Variants in NEGR1 observed in about 807,000 individuals in gnomAD.
The protein encoded by NEGR1 is IgLON family member 4.
NEGR1 carries 10 observed loss-of-function variants against 40.9 expected under a neutral mutation model. The ratio of observed to expected loss-of-function variants is 0.24; its 90% CI spans 0.15 to 0.42. The LOEUF is 0.42. Among genes scored for constraint, NEGR1 ranks in the 10% least tolerant of loss-of-function variants. The pLI, the probability that NEGR1 is intolerant of heterozygous loss-of-function variation, is 1.00. For synonymous variants in NEGR1, 185 were observed against 166.8 expected (o/e 1.11, Z -0.84); for missense variants, 352 against 438.9 (o/e 0.80, Z 1.77).
intron 3 of NEGR1, among the ~76,000 whole-genome samples, chr1:71,734,954 A>T (rs1443708000): frequency 6.6e-6 from 1 of 151,844 alleles, no homozygotes; most frequent in African/African-American, 2.4e-5. Flanking sequence ...CATTTCCCCA[A>T]GGCTCTACTC....
At chr1:72,065,920 T>C (rs1378693431) in intron 1 of NEGR1, among the ~76,000 whole-genome samples, 1 of 151,962 alleles carries the variant, frequency 6.6e-6, no homozygotes, top group East Asian at 1.9e-4. Context: ...CAGGAAGAGA[T>C]ATAGCCAAAT....
chr1:72,267,722 G>A (rs1440338649), intron 1 of NEGR1, among the ~76,000 whole-genome samples: 1 of 151,178 alleles, frequency 6.6e-6, no homozygotes, highest in African/African-American at 2.4e-5. Flanking sequence ...CGTTTGCTTT[G>A]TTGGTAAAAT....
intron 1 of NEGR1, among the ~76,000 whole-genome samples, chr1:71,971,768 A>G (rs1240132578): frequency 6.6e-6 from 1 of 152,220 alleles, no homozygotes; most frequent in African/African-American, 2.4e-5. Flanking sequence ...GTTAATCAAA[A>G]TATGGTCACG....
At chr1:72,186,538 A>G (rs1274501049) in intron 1 of NEGR1, among the ~76,000 whole-genome samples, 1 of 151,608 alleles carries the variant, frequency 6.6e-6, no homozygotes, top group Non-Finnish European at 1.5e-5. Flanking sequence ...CAGTTTAACT[A>G]CTTACTAGAT....
At chr1:71,775,799 C>T (rs1412678006) in intron 3 of NEGR1, among the ~76,000 whole-genome samples, 1 of 151,888 alleles carries the variant, frequency 6.6e-6, no homozygotes, top group Non-Finnish European at 1.5e-5. Flanking sequence ...CGAGGCCAAC[C>T]TGGCCAACAT....
chr1:71,787,863 A>G (rs746409352), intron 2 of NEGR1, among the ~76,000 whole-genome samples: 1 of 152,170 alleles, frequency 6.6e-6, no homozygotes. Context: ...TTTGGCTTTG[A>G]AAGACACAAG....
In NEGR1 at chr1:71,545,479, G is replaced by C. The variant is rs991757699; in HGVS notation, c.940+47338C>G. On this transcript the variant is annotated intron_variant, in intron 6 of 6. Coordinates refer to ENST00000357731, the MANE Select transcript of NEGR1 (RefSeq NM_173808.3). ...GTGTCAATATCCTTTTAAAAATCCA[G>C]TCTTGTAGATTGTCCACCATCTTCT... Among the ~76,000 whole-genome samples the C allele has an allele frequency of 2.6e-5, 4 of 151,684 alleles. 1 individual carries two copies. The highest frequency in any genetic ancestry group is 7.3e-5 in the African/African-American group (3 of 41,372).
At chr1:72,054,573 T>C (rs947339363) in intron 1 of NEGR1, among the ~76,000 whole-genome samples, 2 of 151,336 alleles carry the variant, frequency 1.3e-5, no homozygotes, top group African/African-American at 4.8e-5. Context: ...GCAATAGATA[T>C]GTATTTAATT....
chr1:71,874,102 T>C (rs1435615358), intron 2 of NEGR1, among the ~76,000 whole-genome samples: 5 of 152,208 alleles, frequency 3.3e-5, no homozygotes, highest in African/African-American at 1.2e-4. Flanking sequence ...GTTTGGTGCA[T>C]GCTGAACTAT....
At chr1:72,027,706 T>A (rs1017055556) in intron 1 of NEGR1, among the ~76,000 whole-genome samples, 2 of 152,338 alleles carry the variant, frequency 1.3e-5, no homozygotes, top group Admixed American at 1.3e-4. Flanking sequence ...GCCACAAATA[T>A]GCTGAGAACT....
chr1:71,852,516 T>C (rs1433551644), intron 2 of NEGR1, among the ~76,000 whole-genome samples: 10 of 152,160 alleles, frequency 6.6e-5, no homozygotes, highest in Non-Finnish European at 1.5e-5. Context: ...CTAGCACTCC[T>C]GATTGTCTTA....
chr1:71,733,413 G>A (rs1654950012), intron 3 of NEGR1, among the ~76,000 whole-genome samples: 1 of 152,124 alleles, frequency 6.6e-6, no homozygotes, highest in Non-Finnish European at 1.5e-5. Context: ...AAATGAGAAA[G>A]AACACTCTTA....
chr1:71,492,724 C>T (rs1646937859), intron 6 of NEGR1, among the ~76,000 whole-genome samples: 1 of 151,998 alleles, frequency 6.6e-6, no homozygotes, highest in Admixed American at 6.6e-5. Context: ...ACACATAAAA[C>T]TTTGACTTTG....
chr1:71,938,833 TA>T lies in NEGR1; in HGVS notation c.177-3523del, dbSNP rs1207072883. ...AAATGTAGTAATTAAATTGTCATTA[TA>T]ATTGGATTATTGAGATTCTCTGAGA... On this transcript the variant is annotated intron_variant, in intron 1 of 6. Transcript: ENST00000357731. Among the ~76,000 whole-genome samples, 5 of 152,142 alleles carry T rather than the reference TA, an allele frequency of 3.3e-5. No individual in the cohort carries two copies. The East Asian group carries it at 9.6e-4, about 29-fold the overall frequency.
intron 1 of NEGR1, among the ~76,000 whole-genome samples, chr1:71,946,391 T>G (rs541483109): frequency 1.3e-5 from 2 of 152,292 alleles, no homozygotes; most frequent in South Asian, 4.1e-4. Context: ...CCTAAAATTT[T>G]CATCATAATC....
chr1:71,407,059 C>T lies in NEGR1; in HGVS notation c.*387G>A. 1 of 154,092 alleles carries T rather than the reference C, an allele frequency of 6.5e-6. No homozygotes were observed. The highest frequency in any genetic ancestry group is 1.9e-4 in the East Asian group (1 of 5,266). 9.5% of individuals were successfully genotyped at this position (154,092 alleles called of 1,614,324 possible). A position where few individuals can be genotyped will look rare whatever the true frequency, so the allele number is the denominator to read the frequency against. ...TCTTATTGAAACAGGGAACTGAATG[C>T]TTGTATTGCAGCCTTAAAGAATCAC... On this transcript the variant is annotated 3_prime_UTR_variant, in exon 7 of 7. Coordinates refer to ENST00000357731, the MANE Select transcript of NEGR1 (RefSeq NM_173808.3).
At chr1:71,771,754 TAAAC>T (rs1656337018) in intron 3 of NEGR1, among the ~76,000 whole-genome samples, 2 of 43,808 alleles carry the variant, frequency 4.6e-5, no homozygotes, top group Non-Finnish European at 1.0e-4. Context: ...GCCATAAAAA[TAAAC>T]AAACAAATAA....
intron 1 of NEGR1, among the ~76,000 whole-genome samples, chr1:72,193,425 T>C (rs948669721): frequency 6.6e-6 from 1 of 151,710 alleles, no homozygotes. Context: ...ATGGAAAATT[T>C]AGGGACTATA....
intron 1 of NEGR1, among the ~76,000 whole-genome samples, chr1:72,252,698 G>C (rs949497619): frequency 6.6e-6 from 1 of 152,164 alleles, no homozygotes; most frequent in South Asian, 2.1e-4. Flanking sequence ...GTAAGAGAGA[G>C]AGAAGATAGT....
Sources: allele counts gnomAD v4.1 joint callset (sites outside exome capture counted in the v4.1 genomes callset), GRCh38; gene constraint gnomAD v4.1.1; transcripts MANE v1.5; gene names NCBI Gene and HGNC (gene_info 2026-07-23, HGNC 2026-07-21).